HECW1: variants seen among roughly 807,000 people sequenced by gnomAD.
The protein encoded by HECW1 is E3 ubiquitin-protein ligase HECW1.
HECW1 carries 61 observed loss-of-function variants against 182.3 expected under a neutral mutation model. The observed-to-expected ratio is 0.33, with a 90% CI of 0.27 to 0.41. HECW1 has a LOEUF of 0.41. Among genes scored for constraint, HECW1 ranks in the 10% least tolerant of loss-of-function variants. The probability of loss-of-function intolerance (pLI) is 1.00; values close to 1 mark genes in which losing one functional copy is unlikely to be tolerated. For synonymous variants in HECW1, 859 were observed against 832.6 expected (o/e 1.03, Z -0.55); for missense variants, 1,739 against 2,108.9 (o/e 0.82, Z 3.44).
intron 5 of HECW1, among the ~76,000 whole-genome samples, chr7:43,327,053 A>C (rs1810880538): frequency 6.6e-6 from 1 of 152,226 alleles, no homozygotes; most frequent in South Asian, 2.1e-4. Context: ...GTGGCTAAGG[A>C]CTGCACCGCG....
chr7:43,513,820 C>T (rs1389769406), intron 24 of HECW1, among the ~76,000 whole-genome samples: 9 of 152,126 alleles, frequency 5.9e-5, no homozygotes, highest in Non-Finnish European at 1.5e-5. Context: ...AGGACCATGT[C>T]AAAGTCAGCA....
intron 2 of HECW1, among the ~76,000 whole-genome samples, chr7:43,219,027 T>C (rs1287333357): frequency 6.6e-5 from 10 of 152,228 alleles, no homozygotes; most frequent in East Asian, 1.9e-4. Flanking sequence ...TTGATTTGCA[T>C]AGGGCTCAGG....
At chr7:43,447,590 C>T (rs1300816967) in intron 11 of HECW1, among the ~76,000 whole-genome samples, 1 of 152,210 alleles carries the variant, frequency 6.6e-6, no homozygotes, top group East Asian at 1.9e-4. Flanking sequence ...CACACGCTGG[C>T]ATGTGACTTC....
intron 24 of HECW1, among the ~76,000 whole-genome samples, chr7:43,517,452 C>T (rs967541746): frequency 2.0e-5 from 3 of 151,674 alleles, no homozygotes; most frequent in East Asian, 1.9e-4. Flanking sequence ...AGGAGGGAAG[C>T]TCTTTTGTGC....
chr7:43,292,788 T>C (rs1486596334), intron 3 of HECW1, among the ~76,000 whole-genome samples: 4 of 152,170 alleles, frequency 2.6e-5, no homozygotes, highest in Non-Finnish European at 5.9e-5. Flanking sequence ...GCTCAGCCCC[T>C]ATGATAGTAC....
intron 2 of HECW1, among the ~76,000 whole-genome samples, chr7:43,116,931 AG>A (rs1335846303): frequency 6.6e-6 from 1 of 152,230 alleles, no homozygotes; most frequent in Non-Finnish European, 1.5e-5. Context: ...AGTTGAAAGG[AG>A]AAAAAGATTA....
chr7:43,282,166 G>A (rs555396029), intron 3 of HECW1, among the ~76,000 whole-genome samples: 19 of 152,202 alleles, frequency 1.2e-4, no homozygotes, highest in African/African-American at 4.6e-4. Flanking sequence ...TGCCTCTTAC[G>A]GCTGTGTGCA....
At chr7:43,318,704 CTT>C (rs1456884164) in intron 4 of HECW1, among the ~76,000 whole-genome samples, 1 of 152,244 alleles carries the variant, frequency 6.6e-6, no homozygotes, top group Non-Finnish European at 1.5e-5. Context: ...CACTTCATCT[CTT>C]GTCTGTTTTC....
At chr7:43,463,600 T>C (rs1584985190) in intron 13 of HECW1, 60 bp from the exon 14 acceptor site, 1 of 1,514,868 alleles carries the variant, frequency 6.6e-7, no homozygotes, top group East Asian at 2.3e-5. Context: ...TGATTCAGAG[T>C]TTTGGCCCCC....
At chr7:43,473,412 A>G (rs13245386) in intron 16 of HECW1, among the ~76,000 whole-genome samples, 24,927 of 152,308 alleles carry the variant, frequency 0.16, 2,246 homozygotes, top group Middle Eastern at 0.28. Context: ...CTAATGAATC[A>G]AAGCACGACA....
At chr7:43,156,822 C>G (rs1395792998) in intron 2 of HECW1, among the ~76,000 whole-genome samples, 1 of 151,256 alleles carries the variant, frequency 6.6e-6, no homozygotes, top group Non-Finnish European at 1.5e-5. Context: ...AGGCCATTCA[C>G]CACATTATCT....
At chr7:43,485,576 C>T (rs2078599253) in intron 17 of HECW1, among the ~76,000 whole-genome samples, 1 of 152,108 alleles carries the variant, frequency 6.6e-6, no homozygotes, top group African/African-American at 2.4e-5. Flanking sequence ...GCTATGGCTC[C>T]CAGGCTGCAA....
chr7:43,147,610 C>G (rs1348372040), intron 2 of HECW1: 1 of 152,026 alleles, frequency 6.6e-6, no homozygotes, highest in Non-Finnish European at 1.5e-5. Context: ...TTTAAGAAAA[C>G]AATAAATTTC....
At chr7:43,547,477 G>A (rs2152956987) in intron 26 of HECW1, among the ~76,000 whole-genome samples, 1 of 152,132 alleles carries the variant, frequency 6.6e-6, no homozygotes, top group South Asian at 2.1e-4. Context: ...AACCCAGGAG[G>A]CAGAGATTGC....
At chr7:43,373,509 T>G (rs988807525) in intron 6 of HECW1, among the ~76,000 whole-genome samples, 2 of 151,948 alleles carry the variant, frequency 1.3e-5, no homozygotes, top group African/African-American at 2.4e-5. Flanking sequence ...AATCTCACTG[T>G]TTTTTTTAAA....
At chr7:43,489,167 G>A (rs1433827373) in intron 17 of HECW1, among the ~76,000 whole-genome samples, 21 of 152,136 alleles carry the variant, frequency 1.4e-4, no homozygotes, top group Non-Finnish European at 7.3e-5. Flanking sequence ...GCCTTCCCGA[G>A]CTCAGCCAGC....
At chr7:43,338,259 T>C (rs1014398379) in intron 5 of HECW1, among the ~76,000 whole-genome samples, 11 of 152,190 alleles carry the variant, frequency 7.2e-5, no homozygotes, top group African/African-American at 2.4e-4. Flanking sequence ...AGTACTCAGC[T>C]GGTTCCATCC....
At chr7:43,394,270 T>C (rs2075149685) in intron 6 of HECW1, among the ~76,000 whole-genome samples, 1 of 152,176 alleles carries the variant, frequency 6.6e-6, no homozygotes, top group Non-Finnish European at 1.5e-5. Flanking sequence ...ATGTGGTCTC[T>C]GAACTGATGG....
chr7:43,214,389 G>A (rs1268378639), intron 2 of HECW1, among the ~76,000 whole-genome samples: 1 of 151,964 alleles, frequency 6.6e-6, no homozygotes, highest in Non-Finnish European at 1.5e-5. Context: ...AAATAACTTA[G>A]GAAATAATAC....
Sources: allele counts gnomAD v4.1 joint callset (sites outside exome capture counted in the v4.1 genomes callset), GRCh38; gene constraint gnomAD v4.1.1; transcripts MANE v1.5; gene names NCBI Gene and HGNC (gene_info 2026-07-23, HGNC 2026-07-21).